The following SLC43A3 variants were observed in gnomAD, a reference collection of about 807,000 sequenced individuals.
SLC43A3 encodes equilibrative nucleobase transporter 1.
A neutral mutation model predicts 53.3 loss-of-function variants in SLC43A3; 33 were observed. The ratio of observed to expected loss-of-function variants is 0.62; its 90% CI spans 0.47 to 0.83. The LOEUF (loss-of-function observed/expected upper bound fraction) is 0.83. Among genes scored for constraint, SLC43A3 ranks in the 40% least tolerant of loss-of-function variants. The pLI, the probability that SLC43A3 is intolerant of heterozygous loss-of-function variation, is 0.00. For missense variants in SLC43A3, 530 were observed against 610.0 expected, an observed-to-expected ratio of 0.87 and a Z score of 1.38; for synonymous variants, 236 against 246.2, an observed-to-expected ratio of 0.96 and a Z score of 0.39.
At position 57,424,019 on chromosome 11, in the gene SLC43A3, G is replaced by A; in HGVS notation, c.324C>T (p.Tyr108=). The part of the protein sequence containing the change: ...TVARLIAIFF[Y]TTATLIIAFT... ...AGGCTATGATGAGTGTGGCGGTGGT[G>A]TAGAAAAATCTGAAACACATAACAG... The change falls in exon 5 of 14, where the codon TAC becomes TAT. Residue 108 remains tyrosine (Y), a synonymous_variant. Transcript: ENST00000395124. The A allele has an allele frequency of 1.2e-6, 2 of 1,614,114 alleles. No homozygotes were observed. The highest frequency in any genetic ancestry group is 8.5e-7 in the Non-Finnish European group (1 of 1,179,990).
At position 57,409,232 on chromosome 11, in the gene SLC43A3, C is replaced by G. The variant is rs1220958125; in HGVS notation, c.1314G>C (p.Leu438=). Residue 438 remains leucine (L), a synonymous_variant, in exon 13 of 14, where the codon CTG becomes CTC. Coordinates refer to ENST00000395124, the MANE Select transcript of SLC43A3 (RefSeq NM_199329.3). ...LVMALSAVVS[L]LQFPIFTLIK... ...TGAGGGTGAAGATGGGGAACTGGAGCAGAGACACCACAGCCGACAAGGCCA... is the reference window on the plus strand; with the variant it reads ...TGAGGGTGAAGATGGGGAACTGGAGGAGAGACACCACAGCCGACAAGGCCA... 7.4e-6 allele frequency: 12 copies of G among 1,614,066 alleles called. No homozygotes were observed. Among genetic ancestry groups the G allele is most frequent in the Non-Finnish European group, 1.0e-5 (12 of 1,180,018 alleles).
chr11:57,421,266 C>T, intron 6 of SLC43A3, 31 bp downstream of exon 6: 3 of 1,569,962 alleles, frequency 1.9e-6, no homozygotes, highest in Non-Finnish European at 2.6e-6. Flanking sequence ...CGCCACCCTG[C>T]CGAGTGCCTG....
intron 12 of SLC43A3, 42 bp from the exon 13 acceptor site, chr11:57,409,340 C>T: frequency 6.2e-7 from 1 of 1,611,828 alleles, no homozygotes; most frequent in Non-Finnish European, 8.5e-7. Context: ...GCTTCAGGGA[C>T]CCTCCCTCCA....
At chr11:57,419,391 A>G (rs1420975966) in intron 7 of SLC43A3, among the ~76,000 whole-genome samples, 1 of 152,204 alleles carries the variant, frequency 6.6e-6, no homozygotes, top group Non-Finnish European at 1.5e-5. Context: ...AGTGACGTTG[A>G]GGTCCAGAGA....
At chr11:57,422,545 G>C (rs573422515) in intron 5 of SLC43A3, among the ~76,000 whole-genome samples, 1 of 152,300 alleles carries the variant, frequency 6.6e-6, no homozygotes, top group East Asian at 1.9e-4. Flanking sequence ...GCACTGCCAA[G>C]AGCTAATTTT....
chr11:57,416,501 G>T, intron 9 of SLC43A3, 72 bp downstream of exon 9: 1 of 1,211,626 alleles, frequency 8.3e-7, no homozygotes, highest in Non-Finnish European at 1.2e-6. Flanking sequence ...GAGCTCTGGA[G>T]GTGAGGGGCC....
intron 13 of SLC43A3, 154 bp from the exon 14 acceptor site, chr11:57,408,050 C>A: frequency 1.7e-6 from 1 of 587,420 alleles, no homozygotes; most frequent in Non-Finnish European, 3.0e-6. Context: ...CTATGGTGCC[C>A]TGGAGGAAGG....
intron 9 of SLC43A3, 24 bp downstream of exon 9, chr11:57,416,549 G>A: frequency 6.3e-7 from 1 of 1,592,576 alleles, no homozygotes; most frequent in Non-Finnish European, 8.6e-7. Context: ...CTGGAGGAGA[G>A]ATGGGTTAGC....
intron 3 of SLC43A3, 65 bp from the exon 4 acceptor site, chr11:57,425,735 C>T (rs1236527348): frequency 6.3e-7 from 1 of 1,599,844 alleles, no homozygotes; most frequent in African/African-American, 1.3e-5. Flanking sequence ...ACAGGCTGGG[C>T]TCCCCTCCAC....
chr11:57,412,210 T>C (rs1308623000), intron 11 of SLC43A3, among the ~76,000 whole-genome samples: 1 of 152,206 alleles, frequency 6.6e-6, no homozygotes, highest in Non-Finnish European at 1.5e-5. Context: ...GGAAACTCTC[T>C]AGAAATAATG....
chr11:57,407,985 A>G lies in SLC43A3; in HGVS notation c.1372-89T>C. 4.8e-6 allele frequency: 4 copies of G among 833,480 alleles called. No homozygotes were observed. In the South Asian group the frequency reaches 6.0e-5, roughly 13 times the overall value. 51.6% of individuals were successfully genotyped at this position (833,480 alleles called of 1,614,324 possible). On this transcript the variant is annotated intron_variant, in intron 13 of 13. Transcript: ENST00000395124. ...GAAGCAAGCACTGGTCCATTCCATG[A>G]CCAATGAAGGGACCAGAAGTCTACC... is the stretch of plus-strand genomic sequence containing the variant.
In SLC43A3 at chr11:57,407,750, G is replaced by T. The variant is rs1565092148; in HGVS notation, c.*42C>A. On this transcript the variant is annotated 3_prime_UTR_variant, in exon 14 of 14. Transcript: ENST00000395124. ...GAGGTCCTCAAAGGTGGTGGAAGAT[G>T]AACAAAACCATCCTCGGGGCTGAAA... The T allele has an allele frequency of 1.5e-6, 2 of 1,347,444 alleles. No homozygotes were observed. The highest frequency in any genetic ancestry group is 2.1e-6 in the Non-Finnish European group (2 of 940,458). 83.5% of individuals were successfully genotyped at this position (1,347,444 alleles called of 1,614,324 possible). A position where few individuals can be genotyped will look rare whatever the true frequency, so the allele number is the denominator to read the frequency against.
At chr11:57,411,067 T>C (rs541802896) in intron 11 of SLC43A3, among the ~76,000 whole-genome samples, 187 of 152,214 alleles carry the variant, frequency 1.2e-3, no homozygotes, top group Middle Eastern at 3.4e-3. Context: ...AATACATGTA[T>C]ATACACCTAC....
At position 57,421,035 on chromosome 11, in the gene SLC43A3, C is replaced by G. The variant is rs375000008; in HGVS notation, c.468G>C (p.Ser156=). The change falls in exon 7 of 14, where the codon TCG becomes TCC. Residue 156 remains serine, a synonymous_variant. Transcript: ENST00000395124. Reference sequence around the variant, plus strand: ...CTCCATTGTACAGAGTGATGATGGTCGAACGGTGTTGGCCAAATAGGTTCC... The same window carrying G: ...CTCCATTGTACAGAGTGATGATGGTGGAACGGTGTTGGCCAAATAGGTTCC... ...QIGNLFGQHR[S]TIITLYNGAF... 2.5e-6 allele frequency: 4 copies of G among 1,613,858 alleles called. No individual in the cohort carries two copies. The highest frequency in any genetic ancestry group is 3.4e-6 in the Non-Finnish European group (4 of 1,179,778).
chr11:57,421,491 T>C (rs1942987357), intron 5 of SLC43A3, 118 bp from the exon 6 acceptor site: 4 of 715,994 alleles, frequency 5.6e-6, no homozygotes, highest in African/African-American at 5.3e-5. Context: ...GCCCCAATTC[T>C]AGCCAGCGTT....
intron 3 of SLC43A3, 106 bp downstream of exon 3, chr11:57,425,883 T>C: frequency 2.9e-6 from 4 of 1,370,586 alleles, no homozygotes; most frequent in Non-Finnish European, 4.1e-6. Flanking sequence ...TGACCCTTCC[T>C]CTCATCATAG....
At chr11:57,413,119 T>C (rs1268515110) in intron 11 of SLC43A3, among the ~76,000 whole-genome samples, 2 of 151,736 alleles carry the variant, frequency 1.3e-5, no homozygotes, top group Admixed American at 6.6e-5. Context: ...TCCTGTTGTT[T>C]ACAGGAAATA....
chr11:57,420,470 A>G (rs1379537360), intron 7 of SLC43A3, among the ~76,000 whole-genome samples: 1 of 152,220 alleles, frequency 6.6e-6, no homozygotes, highest in Non-Finnish European at 1.5e-5. Context: ...TGAATAAGAC[A>G]GAATGGTTGT....
intron 8 of SLC43A3, 113 bp downstream of exon 8, chr11:57,417,635 C>G: frequency 8.2e-7 from 1 of 1,213,892 alleles, no homozygotes; most frequent in Non-Finnish European, 1.2e-6. Context: ...CAATAGCTAA[C>G]AGATGCACTG....
Sources: allele counts gnomAD v4.1 joint callset (sites outside exome capture counted in the v4.1 genomes callset), GRCh38; gene constraint gnomAD v4.1.1; transcripts MANE v1.5; gene names NCBI Gene and HGNC (gene_info 2026-07-23, HGNC 2026-07-21).